EPC2: variants seen among roughly 807,000 people sequenced by gnomAD.
EPC2 encodes the protein enhancer of polycomb homolog 2.
EPC2 carries 14 observed loss-of-function variants against 92.1 expected under a neutral mutation model. The ratio of observed to expected loss-of-function variants is 0.15; its 90% CI spans 0.10 to 0.24. The LOEUF (loss-of-function observed/expected upper bound fraction) is 0.24. Among genes scored for constraint, EPC2 ranks in the 10% least tolerant of loss-of-function variants. The pLI is 1.00. For synonymous variants in EPC2, 340 were observed against 334.7 expected (o/e 1.02, Z -0.17); for missense variants, 755 against 971.5 (o/e 0.78, Z 2.96).
chr2:148,716,321 G>A (rs980649186), intron 2 of EPC2, among the ~76,000 whole-genome samples: 2 of 152,108 alleles, frequency 1.3e-5, no homozygotes, highest in Admixed American at 6.5e-5. Context: ...CAAGGGGAAT[G>A]CTTCCAGCTT....
chr2:148,664,971 C>G (rs904530931), intron 1 of EPC2, among the ~76,000 whole-genome samples: 1 of 152,176 alleles, frequency 6.6e-6, no homozygotes, highest in African/African-American at 2.4e-5. Flanking sequence ...ATAGTAGTTA[C>G]ATTTAAAAGG....
chr2:148,771,643 C>T (rs16829255), intron 10 of EPC2, among the ~76,000 whole-genome samples: 22,404 of 152,040 alleles, frequency 0.15, 2,483 homozygotes, highest in East Asian at 0.46. Flanking sequence ...TGCTTATAAG[C>T]TGCCACCAGA....
intron 6 of EPC2, among the ~76,000 whole-genome samples, chr2:148,764,283 T>A (rs1298510953): frequency 6.6e-6 from 1 of 152,118 alleles, no homozygotes; most frequent in South Asian, 2.1e-4. Context: ...CTAGATCCCT[T>A]TTTATTAAAA....
At chr2:148,704,328 C>T (rs1239927017) in intron 2 of EPC2, among the ~76,000 whole-genome samples, 1 of 151,996 alleles carries the variant, frequency 6.6e-6, no homozygotes, top group Non-Finnish European at 1.5e-5. Context: ...TAGAGACAGA[C>T]AGTAGAATGG....
intron 2 of EPC2, among the ~76,000 whole-genome samples, chr2:148,737,684 G>T (rs1247840115): frequency 6.6e-6 from 1 of 152,140 alleles, no homozygotes; most frequent in Non-Finnish European, 1.5e-5. Context: ...ATGAGGGAAA[G>T]AGTAACTGTT....
chr2:148,781,615 TC>T (rs748434595), intron 10 of EPC2, 28 bp from the exon 11 acceptor site: 1 of 1,595,902 alleles, frequency 6.3e-7, no homozygotes, highest in South Asian at 1.1e-5. Flanking sequence ...TAAAACGTAC[TC>T]ATTTCCAAAA....
At chr2:148,758,700 A>AT (rs1198533215) in intron 4 of EPC2, among the ~76,000 whole-genome samples, 1 of 152,052 alleles carries the variant, frequency 6.6e-6, no homozygotes, top group African/African-American at 2.4e-5. Flanking sequence ...CCGGCCTAAC[A>AT]TATTTGTTAA....
intron 2 of EPC2, among the ~76,000 whole-genome samples, chr2:148,739,833 C>CTTTT (rs144868417): frequency 3.9e-3 from 315 of 81,228 alleles, no homozygotes; most frequent in South Asian, 6.3e-3. Flanking sequence ...TCTTCTTCTT[C>CTTTT]TTTTTTTTTT....
In EPC2 at chr2:148,787,504, T is replaced by G. The variant is rs560312592; in HGVS notation, c.*1127T>G. ...TTGTTTATGCACTAGTTCAGACAAC[T>G]TTCCCTGTTACTTGTTCTTGATAAG... On this transcript the variant is annotated 3_prime_UTR_variant, in exon 14 of 14. Coordinates refer to ENST00000258484, the MANE Select transcript of EPC2 (RefSeq NM_015630.4). 6.5e-6 allele frequency: 1 copy of G among 152,762 alleles called. No homozygotes were observed. Among genetic ancestry groups the G allele is most frequent in the Admixed American group, 6.5e-5 (1 of 15,294 alleles). The allele number at this position is 152,762 out of a possible 1,614,324, so 9.5% of individuals were successfully genotyped here. A position where few individuals can be genotyped will look rare whatever the true frequency, so the allele number is the denominator to read the frequency against.
intron 1 of EPC2, among the ~76,000 whole-genome samples, chr2:148,647,908 G>T (rs908903203): frequency 1.3e-5 from 2 of 152,210 alleles, no homozygotes; most frequent in Admixed American, 1.3e-4. Flanking sequence ...GGGATTGCAG[G>T]CGTGAGCCAC....
chr2:148,708,047 A>G (rs1682043443), intron 2 of EPC2, among the ~76,000 whole-genome samples: 2 of 152,234 alleles, frequency 1.3e-5, no homozygotes, highest in South Asian at 4.1e-4. Flanking sequence ...TCAAAAAATC[A>G]GTGAATCCAG....
intron 2 of EPC2, among the ~76,000 whole-genome samples, chr2:148,703,978 T>C (rs1302647761): frequency 6.6e-6 from 1 of 152,216 alleles, no homozygotes; most frequent in Non-Finnish European, 1.5e-5. Flanking sequence ...GTAGCCACTG[T>C]GGAAAACAGT....
At chr2:148,703,639 C>T (rs1681932381) in intron 2 of EPC2, among the ~76,000 whole-genome samples, 1 of 152,038 alleles carries the variant, frequency 6.6e-6, no homozygotes, top group Non-Finnish European at 1.5e-5. Context: ...AGCACTTCTC[C>T]CACCTCAACC....
chr2:148,645,343 C>A, intron 1 of EPC2, 173 bp downstream of exon 1: 1 of 569,260 alleles, frequency 1.8e-6, no homozygotes, highest in Admixed American at 3.4e-5. Flanking sequence ...GGCGTAGCGC[C>A]CGCCCGCGGC....
chr2:148,711,629 T>C (rs1039245829), intron 2 of EPC2, among the ~76,000 whole-genome samples: 1 of 152,196 alleles, frequency 6.6e-6, no homozygotes, highest in African/African-American at 2.4e-5. Flanking sequence ...ATTTTAAGTA[T>C]GTCCTTACTG....
At chr2:148,711,044 G>A (rs546810938) in intron 2 of EPC2, among the ~76,000 whole-genome samples, 1 of 152,126 alleles carries the variant, frequency 6.6e-6, no homozygotes, top group Admixed American at 6.6e-5. Context: ...TAAATAATCA[G>A]CTTTTGGTGT....
intron 7 of EPC2, among the ~76,000 whole-genome samples, chr2:148,767,116 C>T (rs1418791023): frequency 1.3e-5 from 2 of 151,098 alleles, no homozygotes; most frequent in African/African-American, 2.4e-5. Context: ...GAGGATTGCT[C>T]GAGCCAGGGA....
intron 1 of EPC2, among the ~76,000 whole-genome samples, chr2:148,651,853 G>A (rs949853443): frequency 1.3e-5 from 2 of 152,066 alleles, no homozygotes; most frequent in Non-Finnish European, 2.9e-5. Context: ...CTTTTTCAGA[G>A]GAAGAAACTG....
chr2:148,742,332 T>C (rs945468644), intron 2 of EPC2, among the ~76,000 whole-genome samples: 1 of 152,258 alleles, frequency 6.6e-6, no homozygotes, highest in Middle Eastern at 3.2e-3. Flanking sequence ...TTTCTTCTGC[T>C]GCTCTTTCTA....
Sources: allele counts gnomAD v4.1 joint callset (sites outside exome capture counted in the v4.1 genomes callset), GRCh38; gene constraint gnomAD v4.1.1; transcripts MANE v1.5; gene names NCBI Gene and HGNC (gene_info 2026-07-23, HGNC 2026-07-21).